FAH: variants seen among roughly 807,000 people sequenced by gnomAD.
FAH encodes the protein fumarylacetoacetase.
A neutral mutation model predicts 55.8 loss-of-function variants in FAH; 47 were observed. That is an observed-to-expected ratio of 0.84 (90% CI 0.67 to 1.07). The LOEUF is 1.07. FAH is among the 50% of genes least tolerant of loss of function. FAH has a pLI of 0.00. For synonymous variants in FAH, 199 were observed against 207.7 expected (o/e 0.96, Z 0.36); for missense variants, 495 against 545.9 (o/e 0.91, Z 0.93).
At chr15:80,180,862 G>A (rs983657103) in intron 12 of FAH, among the ~76,000 whole-genome samples, 180 bp from the exon 13 acceptor site, 5 of 152,120 alleles carry the variant, frequency 3.3e-5, no homozygotes, top group African/African-American at 1.2e-4. Flanking sequence ...GGAAGAAGGG[G>A]CAGAGTTCCA....
intron 5 of FAH, 52 bp downstream of exon 5, chr15:80,162,388 C>A: frequency 6.7e-7 from 1 of 1,499,302 alleles, no homozygotes; most frequent in Non-Finnish European, 9.3e-7. Context: ...CTTTTCATTT[C>A]CAGCAGCATA....
Position 80,186,246 on chromosome 15 carries a change from C to T in FAH, c.*37C>T, listed in dbSNP as rs757209676. On this transcript the variant is annotated 3_prime_UTR_variant, in exon 14 of 14. Transcript: ENST00000561421. Reference sequence around the variant, plus strand: ...CTCTTCTGGAAACAAAGGGCTCAAGCACCCCTTTCAACCCTGTGACTGGGG... The same window carrying T: ...CTCTTCTGGAAACAAAGGGCTCAAGTACCCCTTTCAACCCTGTGACTGGGG... 1.7e-6 allele frequency: 2 copies of T among 1,159,886 alleles called. No individual in the cohort carries two copies. The highest frequency in any genetic ancestry group is 2.3e-5 in the Admixed American group (1 of 43,416). The allele number at this position is 1,159,886 out of a possible 1,614,324, so 71.8% of individuals were successfully genotyped here. A position where few individuals can be genotyped will look rare whatever the true frequency, so the allele number is the denominator to read the frequency against.
In FAH at chr15:80,175,042, C is replaced by T. The variant is rs370273424; in HGVS notation, c.864C>T (p.Cys288=). The T allele has an allele frequency of 3.2e-5, 51 of 1,612,798 alleles. No individual in the cohort carries two copies. In the African/African-American group the frequency reaches 4.6e-4, roughly 14 times the overall value. ...ACCCCAGGCCCCTGCCGTATCTGTG[C>T]CATGACGAGCCCTACACATTTGACA... The part of the protein sequence containing the change: ...KQDPRPLPYL[C]HDEPYTFDIN... The change falls in exon 10 of 14, where the codon TGC becomes TGT. Residue 288 remains cysteine (C), a synonymous_variant. Coordinates refer to ENST00000561421, the MANE Select transcript of FAH (RefSeq NM_000137.4).
chr15:80,155,767 GCAAGT>G (rs559356965), intron 1 of FAH, among the ~76,000 whole-genome samples: 37 of 152,286 alleles, frequency 2.4e-4, no homozygotes, highest in Middle Eastern at 3.4e-3. Context: ...ATAAGGTCAA[GCAAGT>G]CATGTGATCA....
At chr15:80,183,335 G>A (rs2041345454) in intron 13 of FAH, among the ~76,000 whole-genome samples, 1 of 152,206 alleles carries the variant, frequency 6.6e-6, no homozygotes, top group South Asian at 2.1e-4. Flanking sequence ...CATACAGAAG[G>A]GGACCACTGA....
intron 9 of FAH, among the ~76,000 whole-genome samples, chr15:80,174,043 T>A (rs1349263497): frequency 6.6e-6 from 1 of 152,312 alleles, no homozygotes; most frequent in African/African-American, 2.4e-5. Flanking sequence ...CTGAGGTCTT[T>A]CCTTGCAAGC....
At chr15:80,159,482 G>C (rs1207614116) in intron 2 of FAH, among the ~76,000 whole-genome samples, 1 of 152,072 alleles carries the variant, frequency 6.6e-6, no homozygotes, top group African/African-American at 2.4e-5. Flanking sequence ...CTGTGGGCCG[G>C]GCCAAGCTTA....
At chr15:80,184,169 T>C (rs530892234) in intron 13 of FAH, among the ~76,000 whole-genome samples, 1 of 152,352 alleles carries the variant, frequency 6.6e-6, no homozygotes, top group African/African-American at 2.4e-5. Context: ...CACGGATGGC[T>C]CTGCACTGCT....
In FAH at chr15:80,163,083, A is replaced by G. The variant is rs150455600; in HGVS notation, c.455+747A>G. On this transcript the variant is annotated intron_variant, in intron 5 of 13. Coordinates refer to ENST00000561421, the MANE Select transcript of FAH (RefSeq NM_000137.4). ...AGGGACGGGGCTTTACTCTCTCTCGAGTGAGTGTCTCCAGTAGGCTATGCC... is the reference window on the plus strand; with the variant it reads ...AGGGACGGGGCTTTACTCTCTCTCGGGTGAGTGTCTCCAGTAGGCTATGCC... 5.8e-5 allele frequency: 9 copies of G among 153,928 alleles called. No individual in the cohort carries two copies. The East Asian group carries it at 1.2e-3, about 20-fold the overall frequency. 9.5% of individuals were successfully genotyped at this position (153,928 alleles called of 1,614,324 possible).
Position 80,165,386 on chromosome 15 carries a change from G to T in FAH, c.456-2666G>T, listed in dbSNP as rs191977438. 4.6e-5 allele frequency among the ~76,000 whole-genome samples: 7 copies of T among 152,310 alleles called. No individual in the cohort carries two copies. The East Asian group carries it at 1.3e-3, about 29-fold the overall frequency. On this transcript the variant is annotated intron_variant, in intron 5 of 13. Coordinates refer to ENST00000561421, the MANE Select transcript of FAH (RefSeq NM_000137.4). ...TCTACAAAAGTACAAAAATTTGCTGGTCATGATGGCGGGTGCCTGTAATTT... is the reference window on the plus strand; with the variant it reads ...TCTACAAAAGTACAAAAATTTGCTGTTCATGATGGCGGGTGCCTGTAATTT...
At chr15:80,179,663 C>T (rs1292261723) in intron 11 of FAH, among the ~76,000 whole-genome samples, 1 of 152,182 alleles carries the variant, frequency 6.6e-6, no homozygotes, top group Non-Finnish European at 1.5e-5. Flanking sequence ...GTGTCCATCC[C>T]AAGGCCCGGC....
chr15:80,166,661 G>A (rs1262865434), intron 5 of FAH, among the ~76,000 whole-genome samples: 1 of 120,866 alleles, frequency 8.3e-6, no homozygotes, highest in Non-Finnish European at 1.6e-5. Context: ...TTTTGAGACA[G>A]AGTCTTGCTC....
intron 2 of FAH, among the ~76,000 whole-genome samples, chr15:80,159,461 G>A (rs187534985): frequency 6.4e-4 from 98 of 152,224 alleles, no homozygotes; most frequent in African/African-American, 2.3e-3. Flanking sequence ...GAAGAACATG[G>A]CCACCTTCAA....
chr15:80,172,052 G>A (rs2041245380), intron 7 of FAH, 97 bp from the exon 8 acceptor site: 1 of 886,314 alleles, frequency 1.1e-6, no homozygotes, highest in Non-Finnish European at 1.9e-6. Flanking sequence ...CTGGTCCATG[G>A]CTGGAGTTTG....
chr15:80,154,514 G>A (rs558476916), intron 1 of FAH, among the ~76,000 whole-genome samples: 3 of 152,236 alleles, frequency 2.0e-5, no homozygotes, highest in Non-Finnish European at 4.4e-5. Context: ...AGTGCTGGGG[G>A]TGGAGAGTTG....
At chr15:80,154,860 A>G (rs1175651399) in intron 1 of FAH, among the ~76,000 whole-genome samples, 2 of 152,098 alleles carry the variant, frequency 1.3e-5, no homozygotes, top group Non-Finnish European at 2.9e-5. Flanking sequence ...CTCTCTGTGA[A>G]GGTAGGGGTG....
chr15:80,163,059 G>A (rs887028465), intron 5 of FAH: 1 of 155,050 alleles, frequency 6.4e-6, no homozygotes, highest in African/African-American at 2.4e-5. Context: ...AGCTGGGTTA[G>A]GGACGGGGCT....
At chr15:80,173,530 T>C in intron 9 of FAH, 1 of 362,534 alleles carries the variant, frequency 2.8e-6, no homozygotes, top group Non-Finnish European at 5.4e-6. Flanking sequence ...ACTCATAGAA[T>C]GCAGCTTGGA....
intron 5 of FAH, 26 bp from the exon 6 acceptor site, chr15:80,168,026 T>C: frequency 6.3e-7 from 1 of 1,581,048 alleles, no homozygotes; most frequent in Non-Finnish European, 8.7e-7. Flanking sequence ...TCTGATGCCC[T>C]GCATTCTCTT....
Sources: allele counts gnomAD v4.1 joint callset (sites outside exome capture counted in the v4.1 genomes callset), GRCh38; gene constraint gnomAD v4.1.1; transcripts MANE v1.5; gene names NCBI Gene and HGNC (gene_info 2026-07-23, HGNC 2026-07-21).